Variants in ANKRD30A observed in about 807,000 individuals in gnomAD.
The protein encoded by ANKRD30A is ankyrin repeat domain 30A.
ANKRD30A carries 170 observed loss-of-function variants against 166.3 expected under a neutral mutation model. That is an observed-to-expected ratio of 1.02 (90% confidence interval 0.90 to 1.16). ANKRD30A has a LOEUF of 1.16. Ranked by LOEUF, ANKRD30A falls within the 50% of genes most tolerant of loss-of-function variation. The pLI, the probability that ANKRD30A is intolerant of heterozygous loss-of-function variation, is 0.00. For synonymous variants in ANKRD30A, 564 were observed against 508.9 expected (o/e 1.11, Z -1.46); for missense variants, 1,630 against 1,518.0 (o/e 1.07, Z -1.23).
chr10:37,172,128 G>A (rs557920459), intron 21 of ANKRD30A, among the ~76,000 whole-genome samples: 21 of 119,556 alleles, frequency 1.8e-4, no homozygotes, highest in African/African-American at 6.9e-4. Flanking sequence ...GGCAGATCAC[G>A]AGGTGAGGAG....
At chr10:37,236,773 A>G (rs1404704511), downstream of ANKRD30A, among the ~76,000 whole-genome samples, 1 of 152,250 alleles carries the variant, frequency 6.6e-6, no homozygotes, top group Non-Finnish European at 1.5e-5. Flanking sequence ...CAATTTTGCT[A>G]AAAATAACCC....
intron 15 of ANKRD30A, among the ~76,000 whole-genome samples, chr10:37,160,952 A>G (rs544222038): frequency 6.6e-6 from 1 of 151,944 alleles, no homozygotes; most frequent in Admixed American, 6.5e-5. Context: ...ATAGTTACAC[A>G]TATTTATTTT....
intron 13 of ANKRD30A, 61 bp downstream of exon 13, chr10:37,153,723 G>C (rs17606172): frequency 6.8e-7 from 1 of 1,468,244 alleles, no homozygotes; most frequent in African/African-American, 1.4e-5. Flanking sequence ...CTGATGAGGA[G>C]GGATATCCTC....
chr10:37,167,976 C>A (rs1270419474), intron 19 of ANKRD30A, among the ~76,000 whole-genome samples: 1 of 84,184 alleles, frequency 1.2e-5, no homozygotes, highest in African/African-American at 5.0e-5. Context: ...CTACGTTCAG[C>A]TTTTGCATTT....
At chr10:37,265,360 C>A in the ANKRD30A span, among the ~76,000 whole-genome samples, 1 of 152,046 alleles carries the variant, frequency 6.6e-6, no homozygotes, top group African/African-American at 2.4e-5. Flanking sequence ...TCCCAGAGAC[C>A]CCACCCTGGG....
Position 37,219,031 on chromosome 10 carries a change from T to A in ANKRD30A, c.3319T>A (p.Leu1107Met). Residue 1107 changes from leucine to methionine, a missense_variant, in exon 34 of 36, where the codon TTG becomes ATG. Around this residue, in one of 4 missense-constraint regions of ANKRD30A, gnomAD observed 712 missense variants for 629.3 expected, o/e 1.13. Coordinates refer to ENST00000361713, the MANE Select transcript of ANKRD30A (RefSeq NM_052997.3). ...TTATCTCTTACATGAAAATTGCATG[T>A]TGAAAAAGGAAATTGCCATGCTAAA... ...ENYLLHENCM[L>M]KKEIAMLKLE... 3 of 1,595,328 alleles carry A rather than the reference T, an allele frequency of 1.9e-6. No homozygotes were observed. The South Asian group carries it at 3.4e-5, about 18-fold the overall frequency.
chr10:37,245,264 T>A, the ANKRD30A span, among the ~76,000 whole-genome samples: 1 of 152,138 alleles, frequency 6.6e-6, no homozygotes, highest in Non-Finnish European at 1.5e-5. Flanking sequence ...ATAAAGTTGA[T>A]ATTTTGTGTA....
At chr10:37,203,730 G>A (rs1181376589) in intron 31 of ANKRD30A, among the ~76,000 whole-genome samples, 1 of 152,172 alleles carries the variant, frequency 6.6e-6, no homozygotes, top group Non-Finnish European at 1.5e-5. Context: ...TGTATATTTA[G>A]AAAACCCCAT....
chr10:37,227,501 G>T (rs1216273655), intron 34 of ANKRD30A, among the ~76,000 whole-genome samples: 1 of 151,858 alleles, frequency 6.6e-6, no homozygotes, highest in Non-Finnish European at 1.5e-5. Flanking sequence ...CTATTCTTAT[G>T]CCAGTACCAA....
chr10:37,199,700 A>G, intron 29 of ANKRD30A, 27 bp from the exon 30 acceptor site: 1 of 1,427,010 alleles, frequency 7.0e-7, no homozygotes, highest in Non-Finnish European at 9.8e-7. Flanking sequence ...TGTTCTCATG[A>G]ATGTATCTGT....
At chr10:37,165,593 A>G (rs1839260441) in intron 18 of ANKRD30A, among the ~76,000 whole-genome samples, 1 of 152,010 alleles carries the variant, frequency 6.6e-6, no homozygotes, top group African/African-American at 2.4e-5. Context: ...AATGCCTGGG[A>G]CTTGAACATA....
chr10:37,219,978 A>T, intron 34 of ANKRD30A, 81 bp downstream of exon 34: 1 of 425,330 alleles, frequency 2.4e-6, no homozygotes, highest in Non-Finnish European at 3.5e-6. Context: ...CTAAATGCTG[A>T]ATCTAGTTGA....
intron 34 of ANKRD30A, among the ~76,000 whole-genome samples, chr10:37,220,263 A>G (rs1235477478): frequency 6.6e-6 from 1 of 150,758 alleles, no homozygotes; most frequent in Admixed American, 6.7e-5. Context: ...TTTTATGACC[A>G]CAATGAAGCA....
intron 1 of ANKRD30A, among the ~76,000 whole-genome samples, chr10:37,127,240 T>A (rs1836097372): frequency 6.6e-6 from 1 of 151,990 alleles, no homozygotes; most frequent in African/African-American, 2.4e-5. Flanking sequence ...GTGAAATGCC[T>A]GCTTTTTGGA....
At chr10:37,248,221 C>T in the ANKRD30A span, 1 of 627,026 alleles carries the variant, frequency 1.6e-6, no homozygotes, top group South Asian at 1.4e-5. Context: ...ACCCAGAATG[C>T]CAAAGACTTC....
At chr10:37,252,071 G>A in the ANKRD30A span, among the ~76,000 whole-genome samples, 2 of 152,228 alleles carry the variant, frequency 1.3e-5, no homozygotes, top group African/African-American at 2.4e-5. Flanking sequence ...AAGCATAGTC[G>A]AGCAACCCTC....
At chr10:37,160,048 G>C (rs991015223) in intron 15 of ANKRD30A, among the ~76,000 whole-genome samples, 1 of 152,134 alleles carries the variant, frequency 6.6e-6, no homozygotes, top group Non-Finnish European at 1.5e-5. Context: ...TATTGTCCTG[G>C]AACTTCCTTG....
At chr10:37,265,546 C>A in the ANKRD30A span, among the ~76,000 whole-genome samples, 2 of 152,176 alleles carry the variant, frequency 1.3e-5, no homozygotes, top group African/African-American at 2.4e-5. Context: ...CCCAGGAACC[C>A]AAGCCTCTTT....
At chr10:37,196,100 T>TTTTA (rs1564549953) in intron 27 of ANKRD30A, among the ~76,000 whole-genome samples, 13 of 148,572 alleles carry the variant, frequency 8.7e-5, no homozygotes, top group Admixed American at 6.7e-4. Flanking sequence ...TCTATTTTTT[T>TTTTA]TTTTTTTTTT....
Sources: allele counts gnomAD v4.1 joint callset (sites outside exome capture counted in the v4.1 genomes callset), GRCh38; gene constraint gnomAD v4.1.1; regional missense constraint gnomAD v4.1.1; transcripts MANE v1.5; gene names NCBI Gene and HGNC (gene_info 2026-07-23, HGNC 2026-07-21).